The following LRRC14B variants were observed in gnomAD, a reference collection of about 807,000 sequenced individuals.
The protein encoded by LRRC14B is leucine rich repeat containing 14B.
In LRRC14B, 23 loss-of-function variants were observed where a neutral mutation model predicts 16.9. That is an observed-to-expected ratio of 1.36 (90% CI 0.98 to 1.92). The LOEUF is 1.92. Ranked by LOEUF, LRRC14B falls within the 30% of genes most tolerant of loss-of-function variation. The pLI, the probability that LRRC14B is intolerant of heterozygous loss-of-function variation, is 0.00. For missense variants in LRRC14B, 766 were observed against 705.7 expected, an observed-to-expected ratio of 1.09 and a Z score of -0.97; for synonymous variants, 358 against 332.5, an observed-to-expected ratio of 1.08 and a Z score of -0.83.
Position 195,252 on chromosome 5 carries a change from C to G in LRRC14B, c.1444C>G (p.Pro482Ala). Residue 482 changes from proline to alanine, a missense_variant, in exon 2 of 2, where the codon CCA (proline) becomes GCA (alanine). Transcript: ENST00000328278. ...CACACCTCTCTTTGGAAGTTTTGAC[C>G]CAGACATTCAAGAAACAAGCAATGA... ...VSTPLFGSFDPDIQETSNELG... is the reference protein window; with the variant it reads ...VSTPLFGSFDADIQETSNELG... 1 of 1,613,216 alleles carries G rather than the reference C, an allele frequency of 6.2e-7. No individual in the cohort carries two copies. Among genetic ancestry groups the G allele is most frequent in the Non-Finnish European group, 8.5e-7 (1 of 1,179,892 alleles).
chr5:194,620 G>A (rs993028574), intron 1 of LRRC14B, 88 bp from the exon 2 acceptor site: 55 of 1,315,216 alleles, frequency 4.2e-5, no homozygotes, highest in Non-Finnish European at 5.4e-5. Flanking sequence ...CCCCATGATG[G>A]ACAAATGGGT....
At position 191,754 on chromosome 5, in the gene LRRC14B, C is replaced by G. The variant is rs544622005; in HGVS notation, c.216C>G (p.Ala72=). The G allele has an allele frequency of 6.4e-7, 1 of 1,552,784 alleles. No individual in the cohort carries two copies. The change falls in exon 1 of 2, where the codon GCC becomes GCG. Residue 72 remains alanine (A), a synonymous_variant. Coordinates refer to ENST00000328278, the MANE Select transcript of LRRC14B (RefSeq NM_001080478.3). ...TGGGAGCGCTGCTGGGTCCTGGTGC[C>G]GACCACCCCCAGGACCTGCGCGACA... ...FRLGALLGPG[A]DHPQDLRDRT... is the part of the protein sequence containing the mutation.
At position 195,250 on chromosome 5, in the gene LRRC14B, A is replaced by G. The variant is rs747374538; in HGVS notation, c.1442A>G (p.Asp481Gly). Residue 481 changes from aspartate (D) to glycine (G), a missense_variant, in exon 2 of 2, where the codon GAC (aspartate) becomes GGC (glycine). Asp to Gly is a moderately conservative substitution (Grantham distance 94). Coordinates refer to ENST00000328278, the MANE Select transcript of LRRC14B (RefSeq NM_001080478.3). ...QVSTPLFGSF[D>G]PDIQETSNEL... The stretch of plus-strand genomic sequence containing the variant: ...TCCACACCTCTCTTTGGAAGTTTTG[A>G]CCCAGACATTCAAGAAACAAGCAAT... 2 of 1,613,146 alleles carry G rather than the reference A, an allele frequency of 1.2e-6. No individual in the cohort carries two copies. Among genetic ancestry groups the G allele is most frequent in the Non-Finnish European group, 1.7e-6 (2 of 1,179,904 alleles).
rs1200766122 is a variant in LRRC14B, at chr5:192,283, A to G, written c.745A>G (p.Lys249Glu). ...PRLASLTLPTKAFDAPPTYAS... is the reference protein window; with the variant it reads ...PRLASLTLPTEAFDAPPTYAS... The stretch of plus-strand genomic sequence containing the variant: ...GCTGGCCTCGCTCACCCTGCCCACC[A>G]AGGCCTTTGATGCACCCCCCACCTA... Residue 249 changes from lysine (K) to glutamate (E), a missense_variant, in exon 1 of 2, where the codon AAG becomes GAG. By Grantham distance (56) the Lys-to-Glu change is moderately conservative (BLOSUM62 1). Coordinates refer to ENST00000328278, the MANE Select transcript of LRRC14B (RefSeq NM_001080478.3). 6.3e-7 allele frequency: 1 copy of G among 1,599,634 alleles called. No individual in the cohort carries two copies. The highest frequency in any genetic ancestry group is 8.5e-7 in the Non-Finnish European group (1 of 1,174,364).
rs759156672 is a variant in LRRC14B, at chr5:195,035, C to A, written c.1227C>A (p.Phe409Leu). 91 of 1,613,374 alleles carry A rather than the reference C, an allele frequency of 5.6e-5. No homozygotes were observed. Among genetic ancestry groups the A allele is most frequent in the Non-Finnish European group, 7.5e-5 (89 of 1,179,882 alleles). ...PLSARALRRL[F>L]TALCELPELR... ...CGGCCCGCGCCCTCCGGCGCCTCTT[C>A]ACCGCACTCTGTGAGCTCCCCGAGC... The change falls in exon 2 of 2, where the codon TTC (phenylalanine) becomes TTA (leucine). Residue 409 changes from phenylalanine (F) to leucine (L), a missense_variant. Coordinates refer to ENST00000328278, the MANE Select transcript of LRRC14B (RefSeq NM_001080478.3).
In LRRC14B at chr5:192,311, C is replaced by T. The variant is rs1253840478; in HGVS notation, c.773C>T (p.Ala258Val). 1.2e-6 allele frequency: 2 copies of T among 1,600,070 alleles called. No homozygotes were observed. The highest frequency in any genetic ancestry group is 8.5e-7 in the Non-Finnish European group (1 of 1,174,624). ...TKAFDAPPTY[A>V]STPDGEDPLL... ...GCCTTTGATGCACCCCCCACCTACG[C>T]CTCCACTCCCGACGGCGAGGACCCC... The change falls in exon 1 of 2, where the codon GCC (alanine) becomes GTC (valine). Residue 258 changes from alanine (A) to valine (V), a missense_variant. Transcript: ENST00000328278.
At position 191,924 on chromosome 5, in the gene LRRC14B, T is replaced by C. The variant is rs773984773; in HGVS notation, c.386T>C (p.Leu129Pro). The change falls in exon 1 of 2, where the codon CTG (leucine) becomes CCG (proline). Residue 129 changes from leucine (L) to proline (P), a missense_variant. By Grantham distance (98) the Leu-to-Pro change is moderately conservative. Transcript: ENST00000328278. The stretch of plus-strand genomic sequence containing the variant: ...CAGCGGTGCCCGTGCGGGAGGGCGC[T>C]GGGCAGGTGGGGCCGCACCCAGCTG... ...QVQRCPCGRA[L>P]GRWGRTQLLA... 36 of 1,510,702 alleles carry C rather than the reference T, an allele frequency of 2.4e-5. No homozygotes were observed. The highest frequency in any genetic ancestry group is 3.2e-5 in the Non-Finnish European group (36 of 1,133,160). The allele number at this position is 1,510,702 out of a possible 1,614,324, so 93.6% of individuals were successfully genotyped here. A position where few individuals can be genotyped will look rare whatever the true frequency, so the allele number is the denominator to read the frequency against.
At chr5:192,696 A>C (rs1036951070) in intron 1 of LRRC14B, among the ~76,000 whole-genome samples, 1 of 152,242 alleles carries the variant, frequency 6.6e-6, no homozygotes, top group Admixed American at 6.5e-5. Context: ...GAATACGGAA[A>C]TTACCAAACA....
rs1364791674 is a variant in LRRC14B at position 194,815 on chromosome 5, T to C, written c.1007T>C (p.Leu336Pro). 15 of 1,604,470 alleles carry C rather than the reference T, an allele frequency of 9.3e-6. No individual in the cohort carries two copies. Among genetic ancestry groups the C allele is most frequent in the Non-Finnish European group, 1.3e-5 (15 of 1,175,460 alleles). Residue 336 changes from leucine to proline, a missense_variant, in exon 2 of 2, where the codon CTG becomes CCG. Coordinates refer to ENST00000328278, the MANE Select transcript of LRRC14B (RefSeq NM_001080478.3). ...GCCCACGCTGCCCACCTGGAGGTGC[T>C]GGACCTCAGTGGACACAACCTGGTC... ...DCAHAAHLEV[L>P]DLSGHNLVSL...
At chr5:194,048 T>C (rs1339313123) in intron 1 of LRRC14B, among the ~76,000 whole-genome samples, 1 of 152,134 alleles carries the variant, frequency 6.6e-6, no homozygotes, top group Non-Finnish European at 1.5e-5. Context: ...GGGGGGTCTT[T>C]AGGGTTCCCA....
rs1383798819 is a variant in LRRC14B, at chr5:192,421, A to T, written c.883A>T (p.Ile295Phe). The T allele has an allele frequency of 6.5e-7, 1 of 1,540,366 alleles. No homozygotes were observed. The highest frequency in any genetic ancestry group is 1.3e-5 in the South Asian group (1 of 79,648). ...SVAFSTLTGK[I>F]PTLLGPLQTP... Reference sequence around the variant, plus strand: ...GGCCTTCTCCACGCTGACCGGGAAGATCCCGACGCTGCTTGGGTGAGTCTT... The same window carrying T: ...GGCCTTCTCCACGCTGACCGGGAAGTTCCCGACGCTGCTTGGGTGAGTCTT... Residue 295 changes from isoleucine (I) to phenylalanine (F), a missense_variant, in exon 1 of 2, where the codon ATC becomes TTC. Ile to Phe is a conservative substitution (Grantham distance 21). Coordinates refer to ENST00000328278, the MANE Select transcript of LRRC14B (RefSeq NM_001080478.3).
In LRRC14B at chr5:194,835, C is replaced by T. The variant is rs1369941113; in HGVS notation, c.1027C>T (p.Leu343=). Residue 343 remains leucine, a synonymous_variant, in exon 2 of 2, where the codon CTG becomes TTG. Coordinates refer to ENST00000328278, the MANE Select transcript of LRRC14B (RefSeq NM_001080478.3). ...LEVLDLSGHN[L]VSLYPSTFFR... ...GGTGCTGGACCTCAGTGGACACAAC[C>T]TGGTCAGCCTGTACCCCTCGACCTT... 6.3e-7 allele frequency: 1 copy of T among 1,598,246 alleles called. No homozygotes were observed. Among genetic ancestry groups the T allele is most frequent in the South Asian group, 1.1e-5 (1 of 89,080 alleles).
rs766400687 is a variant in LRRC14B, at chr5:194,849, C to T, written c.1041C>T (p.Tyr347=). 8.8e-6 allele frequency: 14 copies of T among 1,594,466 alleles called. No individual in the cohort carries two copies. Among genetic ancestry groups the T allele is most frequent in the Non-Finnish European group, 1.2e-5 (14 of 1,170,564 alleles). The change falls in exon 2 of 2, where the codon TAC becomes TAT. Residue 347 remains tyrosine (Y), a synonymous_variant. Transcript: ENST00000328278. ...GTGGACACAACCTGGTCAGCCTGTA[C>T]CCCTCGACCTTCTTCAGGCTGCTCA... ...DLSGHNLVSL[Y]PSTFFRLLSQ...
intron 1 of LRRC14B, among the ~76,000 whole-genome samples, chr5:194,182 T>G (rs2126488579): frequency 4.1e-5 from 6 of 148,010 alleles, no homozygotes; most frequent in East Asian, 2.0e-4. Context: ...GCCGTCTGCT[T>G]TCTGAGCAGA....
intron 1 of LRRC14B, 114 bp from the exon 2 acceptor site, chr5:194,594 C>T (rs137986609): frequency 1.1e-4 from 106 of 962,022 alleles, no homozygotes; most frequent in African/African-American, 7.1e-4. Context: ...GGTGGTTGGA[C>T]GTGACTGTGT....
At position 192,078 on chromosome 5, in the gene LRRC14B, C is replaced by G; in HGVS notation, c.540C>G (p.Gly180=). 1 of 1,548,216 alleles carries G rather than the reference C, an allele frequency of 6.5e-7. No homozygotes were observed. The highest frequency in any genetic ancestry group is 8.7e-7 in the Non-Finnish European group (1 of 1,151,402). The part of the protein sequence containing the change: ...EAVVQALRPA[G]PAPLRVHCPS... ...TGGTGCAGGCTCTGAGGCCAGCGGG[C>G]CCGGCCCCTCTGCGGGTGCACTGCC... The change falls in exon 1 of 2, where the codon GGC becomes GGG. Residue 180 remains glycine (G), a synonymous_variant. Coordinates refer to ENST00000328278, the MANE Select transcript of LRRC14B (RefSeq NM_001080478.3).
In LRRC14B at chr5:195,062, G is replaced by A. The variant is rs1364916145; in HGVS notation, c.1254G>A (p.Leu418=). ...CCGCACTCTGTGAGCTCCCCGAGCT[G>A]CGCTGCATTGAGTTCCCGGTGCCCA... ...LFTALCELPE[L]RCIEFPVPKD... is the part of the protein sequence containing the mutation. The change falls in exon 2 of 2, where the codon CTG becomes CTA. Residue 418 remains leucine (L), a synonymous_variant. Coordinates refer to ENST00000328278, the MANE Select transcript of LRRC14B (RefSeq NM_001080478.3). The A allele has an allele frequency of 5.0e-6, 8 of 1,613,556 alleles. No individual in the cohort carries two copies. The Middle Eastern group carries it at 8.2e-4, about 166-fold the overall frequency.
rs745381285 is a variant in LRRC14B at position 192,425 on chromosome 5, C to T, written c.887C>T (p.Pro296Leu). The T allele has an allele frequency of 8.5e-6, 13 of 1,536,856 alleles. No homozygotes were observed. The highest frequency in any genetic ancestry group is 1.4e-5 in the African/African-American group (1 of 73,248). Residue 296 changes from proline (P) to leucine (L), a missense_variant, in exon 1 of 2, where the codon CCG becomes CTG. Coordinates refer to ENST00000328278, the MANE Select transcript of LRRC14B (RefSeq NM_001080478.3). ...VAFSTLTGKI[P>L]TLLGPLQTPL... ...TTCTCCACGCTGACCGGGAAGATCC[C>T]GACGCTGCTTGGGTGAGTCTTGGGG...
Position 191,818 on chromosome 5 carries a change from C to G in LRRC14B, c.280C>G (p.Leu94Val), listed in dbSNP as rs1178911461. Residue 94 changes from leucine to valine, a missense_variant, in exon 1 of 2, where the codon CTC becomes GTC. Leu to Val is a conservative substitution (Grantham distance 32). Coordinates refer to ENST00000328278, the MANE Select transcript of LRRC14B (RefSeq NM_001080478.3). ...RACLEALVRG[L>V]ADHVLQDRSR... The stretch of plus-strand genomic sequence containing the variant: ...CTGCCTGGAGGCGCTGGTGCGCGGC[C>G]TCGCGGACCACGTGCTGCAGGACCG... 1.3e-6 allele frequency: 2 copies of G among 1,530,504 alleles called. No homozygotes were observed. The highest frequency in any genetic ancestry group is 4.0e-5 in the Admixed American group (2 of 50,468). The allele number at this position is 1,530,504 out of a possible 1,614,324, so 94.8% of individuals were successfully genotyped here.
Sources: gnomAD v4.1 joint callset for allele counts (sites outside exome capture counted in the v4.1 genomes callset) on GRCh38, gnomAD v4.1.1 for gene constraint, MANE v1.5 for transcripts, NCBI Gene and HGNC (gene_info 2026-07-23, HGNC 2026-07-21) for gene names.